KAZN: variants seen among roughly 807,000 people sequenced by gnomAD.
The protein encoded by KAZN is kazrin, periplakin interacting protein, also known as kazrin.
In KAZN, 40 loss-of-function variants were observed where a neutral mutation model predicts 87.4. That is an observed-to-expected ratio of 0.46 (90% CI 0.36 to 0.60). KAZN has a LOEUF of 0.60. Ranked by LOEUF, KAZN falls within the 20% of genes least tolerant of loss-of-function variation. The pLI, the probability that KAZN is intolerant of heterozygous loss-of-function variation, is 0.00. For synonymous variants in KAZN, 466 were observed against 458.3 expected (o/e 1.02, Z -0.22); for missense variants, 898 against 1,073.9 (o/e 0.84, Z 2.29).
At chr1:14,720,035 C>T (rs1459476914) in intron 1 of KAZN, among the ~76,000 whole-genome samples, 1 of 152,172 alleles carries the variant, frequency 6.6e-6, no homozygotes, top group African/African-American at 2.4e-5. Flanking sequence ...CTTCTCCACC[C>T]TGTGTAGATG....
At chr1:14,010,494 G>A (rs1362977585) in intron 1 of KAZN, among the ~76,000 whole-genome samples, 1 of 152,202 alleles carries the variant, frequency 6.6e-6, no homozygotes. Flanking sequence ...TTCAGCAGAA[G>A]TATTTCTTGG....
chr1:14,339,027 A>G (rs11811841), intron 2 of KAZN, among the ~76,000 whole-genome samples: 18 of 149,634 alleles, frequency 1.2e-4, no homozygotes, highest in African/African-American at 3.5e-4. Flanking sequence ...CTCTGAAAAA[A>G]GAAAAAAAGA....
Position 14,436,734 on chromosome 1 carries a change from A to AAAAAAAACAAAAAC in KAZN, c.250-162245_250-162244insAAACAAAAACAAAA, listed in dbSNP as rs563539375. 9.8e-4 allele frequency among the ~76,000 whole-genome samples: 134 copies of AAAAAAAACAAAAAC among 137,370 alleles called. 3 individuals are homozygous for AAAAAAAACAAAAAC. The highest frequency in any genetic ancestry group is 3.7e-3 in the South Asian group (16 of 4,342). The allele number at this position is 137,370 out of a possible 152,430, so 90.1% of individuals were successfully genotyped here. ...CTCTGTCTCAAAAAAAAAAAAAAAAAAAAACCTTAAAACAATCCTGAGAGG... is the reference window on the plus strand; with the variant it reads ...CTCTGTCTCAAAAAAAAAAAAAAAAAAAAAAAACAAAAACAAAACCTTAAAACAATCCTGAGAGG... On this transcript the variant is annotated intron_variant, in intron 2 of 16. Coordinates refer to the KAZN transcript ENST00000636203.
chr1:14,411,486 G>T (rs1664298229), intron 2 of KAZN, among the ~76,000 whole-genome samples: 1 of 152,160 alleles, frequency 6.6e-6, no homozygotes, highest in South Asian at 2.1e-4. Context: ...AATAGAGATG[G>T]GGTTTTGCCA....
At position 14,384,094 on chromosome 1, in the gene KAZN, A is replaced by G. The variant is rs529427393; in HGVS notation, c.249+203502A>G. 2.3e-3 allele frequency among the ~76,000 whole-genome samples: 348 copies of G among 151,358 alleles called. 4 individuals carry two copies. The East Asian group carries it at 0.038, about 16-fold the overall frequency. On this transcript the variant is annotated intron_variant, in intron 2 of 16. Transcript: ENST00000636203. ...TTGAAGCAATTGTGAATGGGAGTTC[A>G]CTCATGATTTGGCTCTCTGTTTGTC...
chr1:14,489,744 A>ATAG (rs1249236287), intron 2 of KAZN, among the ~76,000 whole-genome samples: 2 of 147,040 alleles, frequency 1.4e-5, no homozygotes. Context: ...AAAAATAATA[A>ATAG]TAATAATAAT....
intron 1 of KAZN, among the ~76,000 whole-genome samples, chr1:14,028,247 G>C (rs1032490738): frequency 5.9e-5 from 9 of 152,094 alleles, no homozygotes; most frequent in African/African-American, 1.7e-4. Context: ...TCTTCATTCT[G>C]GCAGGAAGTA....
At chr1:14,677,956 T>G (rs1640332970) in intron 1 of KAZN, among the ~76,000 whole-genome samples, 1 of 152,148 alleles carries the variant, frequency 6.6e-6, no homozygotes, top group South Asian at 2.1e-4. Context: ...AATGGGCTGT[T>G]TGGGGGCCCT....
intron 1 of KAZN, among the ~76,000 whole-genome samples, chr1:14,724,425 C>T (rs74061329): frequency 9.5e-4 from 145 of 152,264 alleles, no homozygotes; most frequent in African/African-American, 3.3e-3. Flanking sequence ...TTCTCTAAAC[C>T]ACCTTTTTTG....
At chr1:13,920,205 G>A (rs1640011078) in intron 1 of KAZN, among the ~76,000 whole-genome samples, 2 of 140,662 alleles carry the variant, frequency 1.4e-5, no homozygotes, top group Non-Finnish European at 3.0e-5. Context: ...AGCTGAGATT[G>A]TGCCACTGCA....
At chr1:14,375,255 C>A (rs1467216674) in intron 2 of KAZN, among the ~76,000 whole-genome samples, 3 of 152,018 alleles carry the variant, frequency 2.0e-5, no homozygotes, top group African/African-American at 4.8e-5. Flanking sequence ...AGGTTAGATT[C>A]AAAAATAAGG....
intron 7 of KAZN, among the ~76,000 whole-genome samples, chr1:15,064,548 T>C (rs913274001): frequency 2.0e-5 from 3 of 152,198 alleles, no homozygotes; most frequent in Non-Finnish European, 4.4e-5. Flanking sequence ...GGGTAGACCT[T>C]ACCACCATCA....
intron 2 of KAZN, among the ~76,000 whole-genome samples, chr1:14,203,945 C>T (rs1557558396): frequency 6.6e-6 from 1 of 152,216 alleles, no homozygotes; most frequent in Non-Finnish European, 1.5e-5. Context: ...CACCAACCTG[C>T]ACTGCCTCCA....
intron 1 of KAZN, chr1:14,945,951 G>A: frequency 1.0e-6 from 1 of 984,396 alleles, no homozygotes; most frequent in Non-Finnish European, 1.2e-6. Flanking sequence ...GTTGACGGAG[G>A]GCTCATGGGT....
chr1:14,658,191 G>T (rs185946260), intron 1 of KAZN, among the ~76,000 whole-genome samples: 3 of 152,156 alleles, frequency 2.0e-5, no homozygotes, highest in Non-Finnish European at 4.4e-5. Context: ...ATAAAACCCC[G>T]ACAGAGCTGG....
chr1:13,914,092 C>T lies in KAZN; in HGVS notation c.91+20336C>T, dbSNP rs868122445. 7.9e-5 allele frequency among the ~76,000 whole-genome samples: 12 copies of T among 152,250 alleles called. No individual in the cohort carries two copies. In the East Asian group the frequency reaches 1.9e-3, roughly 24 times the overall value. ...TGCTAGGATTTGCAACAACTAAAGA[C>T]GCGCTGAAGGAATTTCAAGCTCATA... On this transcript the variant is annotated intron_variant, in intron 1 of 16. Coordinates refer to the KAZN transcript ENST00000636203.
chr1:14,793,916 T>C lies in KAZN; in HGVS notation c.227-166768T>C, dbSNP rs571514366. 6.6e-5 allele frequency among the ~76,000 whole-genome samples: 10 copies of C among 152,316 alleles called. No individual in the cohort carries two copies. In the East Asian group the frequency reaches 1.4e-3, roughly 21 times the overall value. On this transcript the variant is annotated intron_variant, in intron 1 of 14. Transcript: ENST00000376030. ...CTCCCCAGGCCGTGCCCTCGCCTGT[T>C]AGGGGCCCCATGAAACCACACAGCC... is the stretch of plus-strand genomic sequence containing the variant.
At chr1:14,503,732 T>C (rs998597626) in intron 2 of KAZN, among the ~76,000 whole-genome samples, 1 of 151,834 alleles carries the variant, frequency 6.6e-6, no homozygotes, top group Admixed American at 6.6e-5. Context: ...ATTTTACAGA[T>C]GAGAAATCCA....
chr1:14,506,669 CA>C (rs1211284474), intron 2 of KAZN, among the ~76,000 whole-genome samples: 1 of 152,162 alleles, frequency 6.6e-6, no homozygotes, highest in African/African-American at 2.4e-5. Context: ...GGATTGCTGA[CA>C]CATCATAAGT....
Sources: gnomAD v4.1 joint callset for allele counts (sites outside exome capture counted in the v4.1 genomes callset) on GRCh38, gnomAD v4.1.1 for gene constraint, MANE v1.5 for transcripts, NCBI Gene and HGNC (gene_info 2026-07-23, HGNC 2026-07-21) for gene names.